RASA2: variants seen among roughly 807,000 people sequenced by gnomAD.
RASA2 encodes RAS p21 protein activator 2.
RASA2 carries 155 observed loss-of-function variants against 118.2 expected under a neutral mutation model. The observed-to-expected ratio is 1.31, with a 90% CI of 1.15 to 1.50. RASA2 has a LOEUF of 1.50. Among genes scored for constraint, RASA2 ranks in the 40% most tolerant of loss-of-function variants. The pLI is 0.00. For missense variants in RASA2, 1,016 were observed against 1,009.6 expected, an observed-to-expected ratio of 1.01 and a Z score of -0.09; for synonymous variants, 353 against 349.1, an observed-to-expected ratio of 1.01 and a Z score of -0.12.
chr3:141,495,373 T>A (rs1320888663), intron 1 of RASA2, among the ~76,000 whole-genome samples: 1 of 152,226 alleles, frequency 6.6e-6, no homozygotes, highest in African/African-American at 2.4e-5. Context: ...CTCTATTTAT[T>A]ATGTCCAGAT....
Position 141,511,203 on chromosome 3 carries a change from G to A in RASA2, c.134-960G>A, listed in dbSNP as rs1160326949. 2.0e-5 allele frequency among the ~76,000 whole-genome samples: 3 copies of A among 152,150 alleles called. No homozygotes were observed. In the East Asian group the frequency reaches 5.8e-4, roughly 29 times the overall value. On this transcript the variant is annotated intron_variant, in intron 1 of 23. Transcript: ENST00000286364. The stretch of plus-strand genomic sequence containing the variant: ...GACTGGGGAAAGGGCACATCTTGGG[G>A]AAAGAAATCAGATGGTTTTTCTGGG...
At chr3:141,536,070 G>A (rs547761620) in intron 4 of RASA2, among the ~76,000 whole-genome samples, 36 of 152,190 alleles carry the variant, frequency 2.4e-4, no homozygotes, top group East Asian at 9.6e-4. Context: ...TAAAGTTAGC[G>A]TATAAAATAC....
intron 4 of RASA2, among the ~76,000 whole-genome samples, chr3:141,537,441 T>C (rs1159945516): frequency 1.3e-5 from 2 of 152,210 alleles, no homozygotes; most frequent in Non-Finnish European, 2.9e-5. Flanking sequence ...AGGTATCTGC[T>C]GGATTTTTCA....
intron 9 of RASA2, among the ~76,000 whole-genome samples, chr3:141,566,413 G>A (rs2082821225): frequency 6.6e-6 from 1 of 152,208 alleles, no homozygotes; most frequent in African/African-American, 2.4e-5. Flanking sequence ...TGACATTGTG[G>A]AGGTAGAGAT....
At chr3:141,531,717 ATACT>A (rs745604602) in intron 4 of RASA2, among the ~76,000 whole-genome samples, 92 of 152,140 alleles carry the variant, frequency 6.0e-4, no homozygotes, top group East Asian at 1.9e-3. Flanking sequence ...GTCTTAAATG[ATACT>A]TACTTAATAA....
chr3:141,601,060 T>A (rs1318558749), intron 19 of RASA2, among the ~76,000 whole-genome samples: 1 of 151,998 alleles, frequency 6.6e-6, no homozygotes, highest in Non-Finnish European at 1.5e-5. Context: ...TTTTAACATA[T>A]GGTGCAGGAA....
chr3:141,543,310 T>A (rs1296113820), intron 5 of RASA2, among the ~76,000 whole-genome samples: 1 of 152,212 alleles, frequency 6.6e-6, no homozygotes, highest in Non-Finnish European at 1.5e-5. Context: ...GTATGTACTT[T>A]ACCTTTCTTT....
At chr3:141,520,117 G>A (rs1369435610) in intron 3 of RASA2, among the ~76,000 whole-genome samples, 2 of 148,286 alleles carry the variant, frequency 1.3e-5, no homozygotes, top group South Asian at 2.1e-4. Flanking sequence ...GGGTTCAAGC[G>A]ATTCTCCTGC....
At chr3:141,534,375 G>A (rs188299577) in intron 4 of RASA2, among the ~76,000 whole-genome samples, 1 of 152,028 alleles carries the variant, frequency 6.6e-6, no homozygotes, top group African/African-American at 2.4e-5. Flanking sequence ...TCTTTATAGG[G>A]GGGGGAAAAA....
intron 1 of RASA2, among the ~76,000 whole-genome samples, chr3:141,501,241 A>G (rs971966380): frequency 3.9e-5 from 6 of 152,178 alleles, no homozygotes; most frequent in African/African-American, 7.2e-5. Context: ...TGTATTTCCT[A>G]TAATAGAAAT....
intron 3 of RASA2, among the ~76,000 whole-genome samples, chr3:141,527,388 G>A (rs1186666530): frequency 6.6e-6 from 1 of 152,020 alleles, no homozygotes; most frequent in African/African-American, 2.4e-5. Flanking sequence ...GATATTATCT[G>A]TCCTTTTTCT....
At chr3:141,506,113 T>C (rs1015136253) in intron 1 of RASA2, among the ~76,000 whole-genome samples, 1 of 152,202 alleles carries the variant, frequency 6.6e-6, no homozygotes, top group African/African-American at 2.4e-5. Flanking sequence ...TAAGTCGTAA[T>C]GTACACTAGA....
At chr3:141,517,090 G>A (rs1034758477) in intron 3 of RASA2, among the ~76,000 whole-genome samples, 31 of 152,088 alleles carry the variant, frequency 2.0e-4, no homozygotes, top group African/African-American at 4.3e-4. Context: ...TCTTTCTTAC[G>A]GAGCACCTTA....
chr3:141,561,587 A>G (rs943532644), intron 9 of RASA2, among the ~76,000 whole-genome samples: 1 of 152,234 alleles, frequency 6.6e-6, no homozygotes, highest in Non-Finnish European at 1.5e-5. Flanking sequence ...TAAGTTGGAA[A>G]TAAAACTCTT....
intron 9 of RASA2, among the ~76,000 whole-genome samples, chr3:141,565,968 G>C (rs1363744685): frequency 6.6e-6 from 1 of 151,908 alleles, no homozygotes; most frequent in Non-Finnish European, 1.5e-5. Context: ...AATTTGCCTT[G>C]GTTAATTCGC....
chr3:141,544,924 G>C (rs73238085), intron 5 of RASA2, among the ~76,000 whole-genome samples: 1 of 152,168 alleles, frequency 6.6e-6, no homozygotes, highest in Non-Finnish European at 1.5e-5. Flanking sequence ...CTCACTTATA[G>C]TGGGAGCTAA....
intron 7 of RASA2, among the ~76,000 whole-genome samples, 156 bp from the exon 8 acceptor site, chr3:141,558,730 A>G (rs1453385493): frequency 6.6e-6 from 1 of 151,934 alleles, no homozygotes; most frequent in Non-Finnish European, 1.5e-5. Flanking sequence ...TGCTACTTCC[A>G]TAGTTGCTTT....
At chr3:141,572,027 AAC>A (rs1257841104) in intron 11 of RASA2, among the ~76,000 whole-genome samples, 2 of 89,228 alleles carry the variant, frequency 2.2e-5, no homozygotes, top group African/African-American at 4.7e-5. Flanking sequence ...TTTTTAAAAA[AAC>A]ATATATATAT....
At chr3:141,582,612 C>T (rs2083132904) in intron 17 of RASA2, among the ~76,000 whole-genome samples, 1 of 152,158 alleles carries the variant, frequency 6.6e-6, no homozygotes, top group Admixed American at 6.5e-5. Flanking sequence ...TACTCTGGGT[C>T]ACCCACTCAC....
Sources: gnomAD v4.1 joint callset for allele counts (sites outside exome capture counted in the v4.1 genomes callset) on GRCh38, gnomAD v4.1.1 for gene constraint, MANE v1.5 for transcripts, NCBI Gene and HGNC (gene_info 2026-07-23, HGNC 2026-07-21) for gene names.